The following SLX4IP variants were observed in gnomAD, a reference collection of about 807,000 sequenced individuals.
SLX4IP encodes the protein SLX4 interacting protein.
Under a neutral mutation model 32.9 loss-of-function variants are expected in SLX4IP, and 34 were observed. The observed-to-expected ratio is 1.03, with a 90% CI of 0.79 to 1.38. The LOEUF (loss-of-function observed/expected upper bound fraction) is 1.38, where lower values mean the gene tolerates loss of function less well. SLX4IP is among the 40% of genes most tolerant of loss of function. SLX4IP has a pLI of 0.00. For synonymous variants in SLX4IP, 172 were observed against 171.7 expected (o/e 1.00, Z -0.01); for missense variants, 444 against 479.0 (o/e 0.93, Z 0.68).
At chr20:10,547,851 A>G (rs1472751061) in intron 2 of SLX4IP, among the ~76,000 whole-genome samples, 1 of 152,172 alleles carries the variant, frequency 6.6e-6, no homozygotes, top group African/African-American at 2.4e-5. Flanking sequence ...CCAGTACTAG[A>G]CATTGACAAC....
intron 2 of SLX4IP, among the ~76,000 whole-genome samples, chr20:10,497,831 A>C (rs542498368): frequency 6.6e-6 from 1 of 151,928 alleles, no homozygotes; most frequent in South Asian, 2.1e-4. Flanking sequence ...TTCTTCCTTT[A>C]AAAAAATTTT....
At chr20:10,462,347 A>G (rs907717777) in intron 2 of SLX4IP, among the ~76,000 whole-genome samples, 8 of 152,256 alleles carry the variant, frequency 5.3e-5, no homozygotes, top group Non-Finnish European at 8.8e-5. Flanking sequence ...GTGAATACAC[A>G]ATAAAGTCAA....
chr20:10,477,959 C>T (rs971439384), intron 2 of SLX4IP, among the ~76,000 whole-genome samples: 1 of 146,390 alleles, frequency 6.8e-6, no homozygotes, highest in African/African-American at 2.6e-5. Flanking sequence ...GTGGGAGTGG[C>T]GTGATCTTGG....
At chr20:10,570,528 T>C (rs1421655236) in intron 4 of SLX4IP, among the ~76,000 whole-genome samples, 1 of 152,074 alleles carries the variant, frequency 6.6e-6, no homozygotes, top group African/African-American at 2.4e-5. Flanking sequence ...ATACACTCTT[T>C]TTTTTTTTTC....
At chr20:10,479,442 T>C (rs2065503027) in intron 2 of SLX4IP, among the ~76,000 whole-genome samples, 1 of 146,438 alleles carries the variant, frequency 6.8e-6, no homozygotes, top group South Asian at 2.2e-4. Flanking sequence ...AACCTCCGCC[T>C]CCTGGGTTCA....
At chr20:10,583,081 A>G (rs2066603274) in intron 4 of SLX4IP, among the ~76,000 whole-genome samples, 1 of 152,166 alleles carries the variant, frequency 6.6e-6, no homozygotes, top group Non-Finnish European at 1.5e-5. Context: ...ACCCCCACTT[A>G]TCTGTTGCCA....
chr20:10,614,633 T>G (rs1388631128), intron 6 of SLX4IP, among the ~76,000 whole-genome samples: 1 of 152,196 alleles, frequency 6.6e-6, no homozygotes, highest in Non-Finnish European at 1.5e-5. Flanking sequence ...ACTCCCAACA[T>G]AGGCCGTGTT....
intron 1 of SLX4IP, among the ~76,000 whole-genome samples, chr20:10,436,863 A>G (rs6131096): frequency 0.07 from 10,625 of 152,076 alleles, 444 homozygotes; most frequent in East Asian, 0.21. Flanking sequence ...TTCTGTTATA[A>G]CATCTGAAAT....
intron 2 of SLX4IP, among the ~76,000 whole-genome samples, chr20:10,494,449 G>A (rs1384386350): frequency 6.6e-6 from 1 of 151,006 alleles, no homozygotes; most frequent in African/African-American, 2.4e-5. Flanking sequence ...TTTTGAGTCT[G>A]TTATTAATAT....
intron 2 of SLX4IP, among the ~76,000 whole-genome samples, chr20:10,480,199 C>T (rs186084915): frequency 6.6e-6 from 1 of 152,046 alleles, no homozygotes; most frequent in Admixed American, 6.5e-5. Context: ...CTGAGACCAG[C>T]CTGGGCAACA....
chr20:10,606,108 A>G (rs1042998945), intron 6 of SLX4IP, among the ~76,000 whole-genome samples: 1 of 152,334 alleles, frequency 6.6e-6, no homozygotes, highest in African/African-American at 2.4e-5. Flanking sequence ...GAGGAAGCAA[A>G]TAAAACTGTA....
At chr20:10,617,869 G>A (rs2067056974) in intron 6 of SLX4IP, among the ~76,000 whole-genome samples, 1 of 151,788 alleles carries the variant, frequency 6.6e-6, no homozygotes, top group Admixed American at 6.6e-5. Flanking sequence ...TCGAACTCCT[G>A]AGCTCAAGCT....
At chr20:10,446,411 CAAAAAAAA>C (rs36181096) in intron 1 of SLX4IP, among the ~76,000 whole-genome samples, 1 of 112,398 alleles carries the variant, frequency 8.9e-6, no homozygotes, top group Non-Finnish European at 1.7e-5. Context: ...GACTCTGTCT[CAAAAAAAA>C]AAAAAAAAAA....
chr20:10,613,964 G>A (rs2066997274), intron 6 of SLX4IP: 8 of 1,164,314 alleles, frequency 6.9e-6, no homozygotes, highest in African/African-American at 3.0e-5. Context: ...GAGAGTCCTC[G>A]TCCACCGTTC....
At chr20:10,557,665 C>T (rs1470915816) in intron 3 of SLX4IP, among the ~76,000 whole-genome samples, 1 of 152,218 alleles carries the variant, frequency 6.6e-6, no homozygotes. Context: ...CATTCCAGGC[C>T]TGTTCTCCAT....
At chr20:10,548,023 T>G (rs973090333) in intron 2 of SLX4IP, among the ~76,000 whole-genome samples, 1 of 152,154 alleles carries the variant, frequency 6.6e-6, no homozygotes, top group Non-Finnish European at 1.5e-5. Flanking sequence ...AGTAAATGGT[T>G]GCAAACCAAA....
intron 1 of SLX4IP, among the ~76,000 whole-genome samples, chr20:10,437,374 A>G (rs1433450196): frequency 2.6e-5 from 4 of 152,196 alleles, no homozygotes; most frequent in Non-Finnish European, 5.9e-5. Flanking sequence ...AGCTTTAAAA[A>G]CAGACTCCAG....
At chr20:10,455,579 T>TTTTTTTTA (rs374076052) in intron 1 of SLX4IP, among the ~76,000 whole-genome samples, 11 of 145,000 alleles carry the variant, frequency 7.6e-5, no homozygotes, top group Admixed American at 2.1e-4. Context: ...CCTGTATGTC[T>TTTTTTTTA]TTTATTTATT....
In SLX4IP at chr20:10,458,353, AT is replaced by A. The variant is rs996427516; in HGVS notation, c.27+133del. 7,648 of 810,120 alleles carry A rather than the reference AT, an allele frequency of 9.4e-3. 3 individuals are homozygous for A. Among genetic ancestry groups the A allele is most frequent in the East Asian group, 0.033 (920 of 27,622 alleles). 50.2% of individuals were successfully genotyped at this position (810,120 alleles called of 1,614,324 possible). On this transcript the variant is annotated intron_variant, in intron 2 of 7. Coordinates refer to ENST00000334534, the MANE Select transcript of SLX4IP (RefSeq NM_001009608.3). ...CTTTTTACACTTGGGACTCTGCAAA[AT>A]TTTTTTTTTTCCTTCAACTTTTAAG...
Sources: gnomAD v4.1 joint callset for allele counts (sites outside exome capture counted in the v4.1 genomes callset) on GRCh38, gnomAD v4.1.1 for gene constraint, MANE v1.5 for transcripts, NCBI Gene and HGNC (gene_info 2026-07-23, HGNC 2026-07-21) for gene names.